ANXA4: variants seen among roughly 807,000 people sequenced by gnomAD.
ANXA4 encodes the protein 35-beta calcimedin.
A neutral mutation model predicts 49.8 loss-of-function variants in ANXA4; 39 were observed. That is an observed-to-expected ratio of 0.78 (90% CI 0.61 to 1.02). The LOEUF (loss-of-function observed/expected upper bound fraction) is 1.02. Among genes scored for constraint, ANXA4 ranks in the 50% least tolerant of loss-of-function variants. The pLI is 0.00. For missense variants in ANXA4, 360 were observed against 410.1 expected (o/e 0.88, Z 1.05); for synonymous variants, 134 against 152.5 (o/e 0.88, Z 0.89).
At chr2:69,801,857 A>G (rs1052604530) in intron 3 of ANXA4, among the ~76,000 whole-genome samples, 1 of 152,234 alleles carries the variant, frequency 6.6e-6, no homozygotes, top group Non-Finnish European at 1.5e-5. Context: ...CATAAGAATC[A>G]CAGACATGCG....
chr2:69,675,214 G>A (rs562796452), intron 2 of ANXA4, among the ~76,000 whole-genome samples: 7 of 152,094 alleles, frequency 4.6e-5, no homozygotes, highest in East Asian at 3.9e-4. Context: ...GAGCCACCGC[G>A]CCCGGCCCAA....
chr2:69,805,466 C>A (rs1673406074), intron 4 of ANXA4, among the ~76,000 whole-genome samples: 1 of 151,858 alleles, frequency 6.6e-6, no homozygotes, highest in Non-Finnish European at 1.5e-5. Context: ...ATTAGCTGGG[C>A]ATGGTGGTGG....
Position 69,679,916 on chromosome 2 carries a change from T to C in ANXA4, n.766+26634T>C, listed in dbSNP as rs550280315. Among the ~76,000 whole-genome samples the C allele has an allele frequency of 6.6e-5, 10 of 152,336 alleles. No homozygotes were observed. The East Asian group carries it at 1.9e-3, about 29-fold the overall frequency. ...TGATTGCTATGCTATAACCTTGTAATATATTTTGAAGTCAGGTAGTGTGAT... is the reference window on the plus strand; with the variant it reads ...TGATTGCTATGCTATAACCTTGTAACATATTTTGAAGTCAGGTAGTGTGAT... On this transcript the variant is annotated intron_variant and non_coding_transcript_variant, in intron 2 of 3. Transcript: ENST00000418066.
intron 2 of ANXA4, among the ~76,000 whole-genome samples, chr2:69,684,368 A>G (rs1358197807): frequency 6.6e-6 from 1 of 152,234 alleles, no homozygotes; most frequent in Non-Finnish European, 1.5e-5. Context: ...ATAAGTTCAC[A>G]TTATTCTGAA....
rs138257896 is a variant in ANXA4 at position 69,656,951 on chromosome 2, T to C, written n.766+3669T>C. On this transcript the variant is annotated intron_variant and non_coding_transcript_variant, in intron 2 of 3. Transcript: ENST00000418066. ...CTGTGAAATATCATACACTGTGAGC[T>C]ATTATAGTGGCTTTACAATGTTTTT... 1.7e-4 allele frequency among the ~76,000 whole-genome samples: 26 copies of C among 152,152 alleles called. No homozygotes were observed. In the East Asian group the frequency reaches 4.8e-3, roughly 28 times the overall value.
At chr2:69,741,141 G>A (rs1670383119), upstream of ANXA4, among the ~76,000 whole-genome samples, 1 of 152,088 alleles carries the variant, frequency 6.6e-6, no homozygotes, top group Non-Finnish European at 1.5e-5. Flanking sequence ...TACCTCTCCA[G>A]CTTTAAGGGT....
chr2:69,816,057 A>C (rs776485863), intron 8 of ANXA4, 44 bp from the exon 9 acceptor site: 1 of 1,492,214 alleles, frequency 6.7e-7, no homozygotes, highest in Non-Finnish European at 9.4e-7. Flanking sequence ...GTGTCCTGGC[A>C]CATCGTTTTT....
At chr2:69,678,384 CTTTTCTTTTTTT>C (rs967117604) in intron 2 of ANXA4, among the ~76,000 whole-genome samples, 2 of 105,086 alleles carry the variant, frequency 1.9e-5, no homozygotes, top group African/African-American at 7.3e-5. Flanking sequence ...ACTTTCTTTT[CTTTTCTTTTTTT>C]TTTTTTTTTT....
At chr2:69,798,228 T>G (rs1434414998) in intron 3 of ANXA4, among the ~76,000 whole-genome samples, 1 of 152,168 alleles carries the variant, frequency 6.6e-6, no homozygotes, top group African/African-American at 2.4e-5. Context: ...GGAATTCCCC[T>G]GTCTGTAAAA....
chr2:69,689,317 G>T (rs1677888231), intron 2 of ANXA4, among the ~76,000 whole-genome samples: 1 of 151,640 alleles, frequency 6.6e-6, no homozygotes, highest in Admixed American at 6.6e-5. Context: ...CAAATTTCTG[G>T]CCTCAAGTGA....
At position 69,818,770 on chromosome 2, in the gene ANXA4, A is replaced by T. The variant is rs192893273; in HGVS notation, c.724+76A>T. On this transcript the variant is annotated intron_variant, in intron 10 of 12. Coordinates refer to ENST00000394295, the MANE Select transcript of ANXA4 (RefSeq NM_001153.5). ...CATTATCAGTTTGCAATATGGGGAT[A>T]TAGAATTATTTTTAGAGATAAAAGT... The T allele has an allele frequency of 7.2e-4, 653 of 903,858 alleles. 11 individuals are homozygous for T. The East Asian group carries it at 0.014, about 19-fold the overall frequency. The allele number at this position is 903,858 out of a possible 1,614,324, so 56.0% of individuals were successfully genotyped here.
At chr2:69,730,657 G>A (rs1266603796) in intron 3 of ANXA4, among the ~76,000 whole-genome samples, 1 of 152,174 alleles carries the variant, frequency 6.6e-6, no homozygotes, top group Non-Finnish European at 1.5e-5. Context: ...TATGCGACTT[G>A]GAGGTAAAAG....
intron 3 of ANXA4, among the ~76,000 whole-genome samples, chr2:69,726,979 C>T (rs974245635): frequency 1.3e-5 from 2 of 152,088 alleles, no homozygotes; most frequent in African/African-American, 4.8e-5. Flanking sequence ...AACTTCTGGG[C>T]TCAAGTGATC....
intron 8 of ANXA4, among the ~76,000 whole-genome samples, chr2:69,814,341 TC>T (rs1420153877): frequency 8.2e-6 from 1 of 122,194 alleles, no homozygotes; most frequent in African/African-American, 3.7e-5. Flanking sequence ...TGTATTTTAT[TC>T]TTTTTTTTTT....
In ANXA4 at chr2:69,703,443, G is replaced by A. The variant is rs372527894; in HGVS notation, n.767-17331G>A. On this transcript the variant is annotated intron_variant and non_coding_transcript_variant, in intron 2 of 3. Coordinates refer to the ANXA4 transcript ENST00000418066. ...CATTTTCATGTCCCCACGAGTCCCC[G>A]GCAACCACTAATCTACTTTGTCTCT... is the stretch of plus-strand genomic sequence containing the variant. Among the ~76,000 whole-genome samples the A allele has an allele frequency of 4.9e-4, 74 of 151,878 alleles. No individual in the cohort carries two copies. In the East Asian group the frequency reaches 7.9e-3, roughly 16 times the overall value.
chr2:69,794,517 G>A (rs200018394), intron 3 of ANXA4, among the ~76,000 whole-genome samples: 35 of 90,136 alleles, frequency 3.9e-4, no homozygotes, highest in African/African-American at 1.5e-3. Flanking sequence ...ATTATGTTAT[G>A]TTATATTATG....
At chr2:69,656,311 A>ATG (rs1395539328) in intron 2 of ANXA4, among the ~76,000 whole-genome samples, 7 of 81,548 alleles carry the variant, frequency 8.6e-5, no homozygotes, top group Non-Finnish European at 1.9e-4. Context: ...ATATGTATAT[A>ATG]TGTATATATA....
rs559026657 is a variant in ANXA4 at position 69,675,161 on chromosome 2, A to C, written n.766+21879A>C. Among the ~76,000 whole-genome samples the C allele has an allele frequency of 2.7e-4, 41 of 152,260 alleles. 1 individual carries two copies. The highest frequency in any genetic ancestry group is 2.6e-3 in the Admixed American group (40 of 15,290). On this transcript the variant is annotated intron_variant and non_coding_transcript_variant, in intron 2 of 3. Coordinates refer to the ANXA4 transcript ENST00000418066. Reference sequence around the variant, plus strand: ...ATGGTCTCGATCTCCTGTCCTCGTGATCCACCTGCCTTGGCCTCCCAAAGT... The same window carrying C: ...ATGGTCTCGATCTCCTGTCCTCGTGCTCCACCTGCCTTGGCCTCCCAAAGT...
At chr2:69,702,255 C>T (rs942204424) in intron 2 of ANXA4, among the ~76,000 whole-genome samples, 9 of 152,134 alleles carry the variant, frequency 5.9e-5, no homozygotes, top group Admixed American at 3.9e-4. Context: ...TCAAATGATC[C>T]GCCTGCCTCA....
Sources: allele counts gnomAD v4.1 joint callset (sites outside exome capture counted in the v4.1 genomes callset), GRCh38; gene constraint gnomAD v4.1.1; transcripts MANE v1.5; gene names NCBI Gene and HGNC (gene_info 2026-07-23, HGNC 2026-07-21).